UBE2E2: variants seen among roughly 807,000 people sequenced by gnomAD.
UBE2E2 encodes the protein ubiquitin conjugating enzyme E2 E2, also known as ubiquitin-conjugating enzyme E2 E2.
A neutral mutation model predicts 24.7 loss-of-function variants in UBE2E2; 6 were observed. The observed-to-expected ratio is 0.24, with a 90% confidence interval of 0.13 to 0.48. The LOEUF (loss-of-function observed/expected upper bound fraction) is 0.48. Among genes scored for constraint, UBE2E2 ranks in the 20% least tolerant of loss-of-function variants. UBE2E2 has a pLI of 0.99. For missense variants in UBE2E2, 169 were observed against 245.0 expected (o/e 0.69, Z 2.07); for synonymous variants, 104 against 83.6 (o/e 1.24, Z -1.33).
At chr3:23,576,923 T>TG (rs1696360376) in intron 5 of UBE2E2, among the ~76,000 whole-genome samples, 1 of 150,438 alleles carries the variant, frequency 6.6e-6, no homozygotes, top group East Asian at 1.9e-4. Context: ...TTGTTATTGT[T>TG]TTTTTTTTTT....
chr3:23,239,188 T>C (rs1244383576), intron 3 of UBE2E2, among the ~76,000 whole-genome samples: 2 of 152,248 alleles, frequency 1.3e-5, no homozygotes, highest in Non-Finnish European at 2.9e-5. Context: ...CGTAATATAG[T>C]GATCAATTAT....
chr3:23,532,145 G>T (rs768418647), intron 4 of UBE2E2, among the ~76,000 whole-genome samples: 9 of 151,332 alleles, frequency 5.9e-5, no homozygotes, highest in Non-Finnish European at 1.0e-4. Flanking sequence ...TTTGGTGTTT[G>T]AATATTATAA....
At chr3:23,304,716 A>G (rs921990751) in intron 3 of UBE2E2, among the ~76,000 whole-genome samples, 4 of 152,172 alleles carry the variant, frequency 2.6e-5, no homozygotes, top group Admixed American at 6.6e-5. Flanking sequence ...ACAAGTGGTA[A>G]TTTCTGTAGG....
At position 23,532,495 on chromosome 3, in the gene UBE2E2, T is replaced by C. The variant is rs1193499918; in HGVS notation, c.361-59T>C. The C allele has an allele frequency of 5.7e-6, 8 of 1,414,142 alleles. No individual in the cohort carries two copies. In the Admixed American group the frequency reaches 1.2e-4, roughly 21 times the overall value. 87.6% of individuals were successfully genotyped at this position (1,414,142 alleles called of 1,614,324 possible). ...GCAATTTTATTAGACAAAAATTGTC[T>C]ATAGATACTGTTAATAAACACTTTG... On this transcript the variant is annotated intron_variant, in intron 4 of 5. Coordinates refer to ENST00000396703, the MANE Select transcript of UBE2E2 (RefSeq NM_152653.4).
chr3:23,252,882 G>A (rs1195284012), intron 3 of UBE2E2, among the ~76,000 whole-genome samples: 3 of 152,168 alleles, frequency 2.0e-5, no homozygotes, highest in Non-Finnish European at 4.4e-5. Context: ...CATTCATTAT[G>A]GAGTGTATTT....
chr3:23,571,170 A>T (rs1696212168), intron 5 of UBE2E2, among the ~76,000 whole-genome samples: 1 of 151,494 alleles, frequency 6.6e-6, no homozygotes, highest in Non-Finnish European at 1.5e-5. Context: ...ATTTAATTAT[A>T]AGTTTGTATA....
intron 3 of UBE2E2, among the ~76,000 whole-genome samples, chr3:23,495,600 T>G (rs1338916117): frequency 6.6e-6 from 1 of 152,206 alleles, no homozygotes; most frequent in African/African-American, 2.4e-5. Context: ...AACCTGTGAT[T>G]TTCTCTACTT....
At chr3:23,368,488 T>A (rs1305139512) in intron 3 of UBE2E2, among the ~76,000 whole-genome samples, 1 of 152,176 alleles carries the variant, frequency 6.6e-6, no homozygotes, top group Non-Finnish European at 1.5e-5. Flanking sequence ...AAACACTATG[T>A]CTTTCTTTGG....
chr3:23,570,106 C>G (rs1696187446), intron 5 of UBE2E2, among the ~76,000 whole-genome samples: 1 of 152,172 alleles, frequency 6.6e-6, no homozygotes, highest in South Asian at 2.1e-4. Flanking sequence ...AATCTAATAT[C>G]TTCTTTCTAC....
chr3:23,247,894 A>G (rs1476606376), intron 3 of UBE2E2, among the ~76,000 whole-genome samples: 2 of 152,294 alleles, frequency 1.3e-5, no homozygotes, highest in Admixed American at 1.3e-4. Context: ...CTCCATTTTG[A>G]TTCAGATAGC....
intron 3 of UBE2E2, among the ~76,000 whole-genome samples, chr3:23,442,742 T>G (rs561774673): frequency 1.4e-3 from 213 of 152,318 alleles, no homozygotes; most frequent in African/African-American, 4.8e-3. Flanking sequence ...TTCCTCAGTC[T>G]GTATCCACTA....
intron 3 of UBE2E2, among the ~76,000 whole-genome samples, chr3:23,354,123 G>A (rs377640354): frequency 0.094 from 14,230 of 151,618 alleles, 897 homozygotes; most frequent in Middle Eastern, 0.22. Context: ...CCTGAGAAAA[G>A]CAAGCAATGG....
At chr3:23,560,594 G>T (rs1226539199) in intron 5 of UBE2E2, among the ~76,000 whole-genome samples, 2 of 151,868 alleles carry the variant, frequency 1.3e-5, no homozygotes, top group Non-Finnish European at 2.9e-5. Flanking sequence ...TAATGGGATT[G>T]CTGGGTCAAA....
intron 3 of UBE2E2, among the ~76,000 whole-genome samples, chr3:23,343,513 T>A (rs1695461573): frequency 6.7e-6 from 1 of 149,766 alleles, no homozygotes; most frequent in Non-Finnish European, 1.5e-5. Flanking sequence ...GGAACAGAGG[T>A]TGCAGTGAGC....
At chr3:23,298,632 T>G (rs1471846410) in intron 3 of UBE2E2, among the ~76,000 whole-genome samples, 2 of 151,892 alleles carry the variant, frequency 1.3e-5, no homozygotes, top group African/African-American at 2.4e-5. Context: ...ATCCCAGGGA[T>G]GAAGCCCACT....
At chr3:23,204,348 A>G (rs1696069359) in intron 1 of UBE2E2, among the ~76,000 whole-genome samples, 1 of 151,606 alleles carries the variant, frequency 6.6e-6, no homozygotes, top group Non-Finnish European at 1.5e-5. Context: ...TGTTAGACCC[A>G]TTTGCATGTT....
At chr3:23,266,518 G>T (rs1269762027) in intron 3 of UBE2E2, among the ~76,000 whole-genome samples, 2 of 152,140 alleles carry the variant, frequency 1.3e-5, no homozygotes, top group Non-Finnish European at 2.9e-5. Flanking sequence ...TCAGCTGTTA[G>T]TCTGATGGGC....
rs532256354 is a variant in UBE2E2 at position 23,312,558 on chromosome 3, G to T, written c.227+95246G>T. ...CCCAGCCTCTGGTAACCATCCTTCTGCATTCTCTCTCCCTGAGTTCAGTTG... is the reference window on the plus strand; with the variant it reads ...CCCAGCCTCTGGTAACCATCCTTCTTCATTCTCTCTCCCTGAGTTCAGTTG... On this transcript the variant is annotated intron_variant, in intron 3 of 5. Coordinates refer to ENST00000396703, the MANE Select transcript of UBE2E2 (RefSeq NM_152653.4). Among the ~76,000 whole-genome samples the T allele has an allele frequency of 3.3e-5, 5 of 151,380 alleles. No homozygotes were observed. In the South Asian group the frequency reaches 1.1e-3, roughly 32 times the overall value.
At chr3:23,537,998 C>T (rs1281765384) in intron 5 of UBE2E2, among the ~76,000 whole-genome samples, 1 of 152,112 alleles carries the variant, frequency 6.6e-6, no homozygotes, top group Admixed American at 6.6e-5. Context: ...CTTGCTGCTG[C>T]ATGTCTCATT....
Sources: gnomAD v4.1 joint callset for allele counts (sites outside exome capture counted in the v4.1 genomes callset) on GRCh38, gnomAD v4.1.1 for gene constraint, MANE v1.5 for transcripts, NCBI Gene and HGNC (gene_info 2026-07-23, HGNC 2026-07-21) for gene names.